RAPGEF6: variants seen among roughly 807,000 people sequenced by gnomAD.
The protein encoded by RAPGEF6 is Rap guanine nucleotide exchange factor 6.
A neutral mutation model predicts 171.4 loss-of-function variants in RAPGEF6; 56 were observed. The ratio of observed to expected loss-of-function variants is 0.33; its 90% CI spans 0.26 to 0.41. The LOEUF (loss-of-function observed/expected upper bound fraction) is 0.41, where lower values mean the gene tolerates loss of function less well. RAPGEF6 is among the 10% of genes least tolerant of loss of function. RAPGEF6 has a pLI of 1.00. For synonymous variants in RAPGEF6, 692 were observed against 650.1 expected, an observed-to-expected ratio of 1.06 and a Z score of -0.98; for missense variants, 1,674 against 1,921.4, an observed-to-expected ratio of 0.87 and a Z score of 2.41.
chr5:131,491,004 T>C (rs904770548), intron 14 of RAPGEF6, among the ~76,000 whole-genome samples: 7 of 152,174 alleles, frequency 4.6e-5, no homozygotes, highest in African/African-American at 1.4e-4. Flanking sequence ...GTTGGGAAGA[T>C]TGAAGGAAGA....
chr5:131,531,219 AC>A (rs1156622297), intron 6 of RAPGEF6, among the ~76,000 whole-genome samples: 3 of 152,230 alleles, frequency 2.0e-5, no homozygotes, highest in African/African-American at 4.8e-5. Flanking sequence ...ATGATTTCAG[AC>A]CATACTAAGA....
At chr5:131,581,453 A>C (rs1762954147) in intron 4 of RAPGEF6, among the ~76,000 whole-genome samples, 1 of 152,046 alleles carries the variant, frequency 6.6e-6, no homozygotes, top group African/African-American at 2.4e-5. Context: ...TTCCTACGAA[A>C]CTGCATCCAG....
At chr5:131,519,014 T>C (rs1054834574) in intron 7 of RAPGEF6, among the ~76,000 whole-genome samples, 4 of 152,222 alleles carry the variant, frequency 2.6e-5, no homozygotes, top group East Asian at 3.9e-4. Flanking sequence ...TGCCAGGGCA[T>C]AGGATAGGGG....
chr5:131,444,247 A>G (rs1044856168), intron 22 of RAPGEF6, among the ~76,000 whole-genome samples: 1 of 152,224 alleles, frequency 6.6e-6, no homozygotes, highest in Non-Finnish European at 1.5e-5. Flanking sequence ...GAAAGTTCAA[A>G]TACAGGGACC....
chr5:131,461,691 T>G lies in RAPGEF6; in HGVS notation c.2864+14A>C, dbSNP rs1000122865. On this transcript the variant is annotated intron_variant, in intron 19 of 27. Transcript: ENST00000509018. ...AAACCATACAGACATTTGTACCTAT[T>G]TGTACCAACTTACCTTATTATTGCA... The G allele has an allele frequency of 1.3e-6, 2 of 1,582,348 alleles. No homozygotes were observed. Among genetic ancestry groups the G allele is most frequent in the African/African-American group, 1.3e-5 (1 of 74,270 alleles).
chr5:131,543,743 T>TA (rs1051672110), intron 6 of RAPGEF6, among the ~76,000 whole-genome samples: 3 of 152,198 alleles, frequency 2.0e-5, no homozygotes, highest in African/African-American at 7.2e-5. Context: ...CTGGAGTTTT[T>TA]ATACTTGGCT....
chr5:131,575,885 C>A (rs11750704), intron 4 of RAPGEF6, among the ~76,000 whole-genome samples: 95,583 of 151,920 alleles, frequency 0.63, 32,136 homozygotes, highest in Non-Finnish European at 0.77. Context: ...TGTCTACGTG[C>A]AGTGGCAGCC....
intron 4 of RAPGEF6, among the ~76,000 whole-genome samples, chr5:131,572,049 C>T (rs965724922): frequency 6.6e-6 from 1 of 152,160 alleles, no homozygotes; most frequent in Non-Finnish European, 1.5e-5. Flanking sequence ...GATAATCCCA[C>T]CACCTTTCAC....
At chr5:131,616,994 T>A (rs915094718) in intron 1 of RAPGEF6, among the ~76,000 whole-genome samples, 8 of 152,180 alleles carry the variant, frequency 5.3e-5, no homozygotes, top group Admixed American at 5.2e-4. Flanking sequence ...AGAAAATAAA[T>A]CTATCCCAGG....
In RAPGEF6 at chr5:131,496,814, C is replaced by T. The variant is rs556167187; in HGVS notation, c.1420-1154G>A. Among the ~76,000 whole-genome samples, 10 of 152,272 alleles carry T rather than the reference C, an allele frequency of 6.6e-5. No homozygotes were observed. The South Asian group carries it at 1.2e-3, about 19-fold the overall frequency. ...TCAATAGTGCTGCTACGAATATTTA[C>T]GTCAAGTTTTCGTTTGCACACCTGT... is the stretch of plus-strand genomic sequence containing the variant. On this transcript the variant is annotated intron_variant, in intron 12 of 27. Transcript: ENST00000509018.
intron 4 of RAPGEF6, among the ~76,000 whole-genome samples, chr5:131,587,653 G>T (rs1763333197): frequency 6.6e-6 from 1 of 152,050 alleles, no homozygotes; most frequent in Admixed American, 6.6e-5. Context: ...TTCTTTAAAG[G>T]ATATTGAAAC....
At chr5:131,516,678 A>C (rs1198827420) in intron 7 of RAPGEF6, among the ~76,000 whole-genome samples, 1 of 152,228 alleles carries the variant, frequency 6.6e-6, no homozygotes, top group East Asian at 1.9e-4. Flanking sequence ...GACTGAAATA[A>C]ATAGAAAAAG....
chr5:131,611,967 G>A (rs751096055), intron 1 of RAPGEF6, among the ~76,000 whole-genome samples: 4 of 152,060 alleles, frequency 2.6e-5, no homozygotes, highest in African/African-American at 7.2e-5. Flanking sequence ...ACAATGGTTC[G>A]ACAAGATTTC....
At chr5:131,495,869 C>A (rs891272474) in intron 12 of RAPGEF6, among the ~76,000 whole-genome samples, 1 of 152,190 alleles carries the variant, frequency 6.6e-6, no homozygotes, top group Admixed American at 6.5e-5. Flanking sequence ...AGGACACTGT[C>A]CACTCAGTGA....
chr5:131,484,432 G>T (rs911272335), intron 15 of RAPGEF6, among the ~76,000 whole-genome samples: 9 of 151,886 alleles, frequency 5.9e-5, no homozygotes, highest in Non-Finnish European at 1.2e-4. Flanking sequence ...AGCTAGGATG[G>T]TCTCAATCTC....
intron 19 of RAPGEF6, among the ~76,000 whole-genome samples, chr5:131,456,698 A>G (rs149669715): frequency 6.5e-4 from 99 of 152,308 alleles, no homozygotes; most frequent in Middle Eastern, 3.4e-3. Context: ...CAATGCCTCA[A>G]TTTTCTTATC....
chr5:131,449,914 G>A (rs1752950956), intron 21 of RAPGEF6: 1 of 1,202,050 alleles, frequency 8.3e-7, no homozygotes, highest in Non-Finnish European at 1.2e-6. Context: ...TAGGCTGACA[G>A]GGTTAATAGA....
rs184563631 is a variant in RAPGEF6, at chr5:131,520,628, A to C, written c.627+762T>G. Among the ~76,000 whole-genome samples, 145 of 152,310 alleles carry C rather than the reference A, an allele frequency of 9.5e-4. 1 individual carries two copies. The highest frequency in any genetic ancestry group is 1.8e-3 in the Non-Finnish European group (125 of 68,022). On this transcript the variant is annotated intron_variant, in intron 7 of 27. Coordinates refer to ENST00000509018, the MANE Select transcript of RAPGEF6 (RefSeq NM_016340.6). Reference sequence around the variant, plus strand: ...CATGCATCCTCTTGTTATTTTATTTAAACTGTTTTATGTTCTATACTCATG... The same window carrying C: ...CATGCATCCTCTTGTTATTTTATTTCAACTGTTTTATGTTCTATACTCATG...
chr5:131,490,910 C>T (rs1756234880), intron 14 of RAPGEF6, among the ~76,000 whole-genome samples: 1 of 152,134 alleles, frequency 6.6e-6, no homozygotes. Context: ...ACTCAAACAT[C>T]AAAAGCCTTC....
Sources: allele counts gnomAD v4.1 joint callset (sites outside exome capture counted in the v4.1 genomes callset), GRCh38; gene constraint gnomAD v4.1.1; transcripts MANE v1.5; gene names NCBI Gene and HGNC (gene_info 2026-07-23, HGNC 2026-07-21).